PTK2: variants seen among roughly 807,000 people sequenced by gnomAD.
PTK2 encodes protein tyrosine kinase 2.
A neutral mutation model predicts 150.1 loss-of-function variants in PTK2; 45 were observed. The ratio of observed to expected loss-of-function variants is 0.30; its 90% confidence interval spans 0.24 to 0.38. The LOEUF (loss-of-function observed/expected upper bound fraction) is 0.38. Among genes scored for constraint, PTK2 ranks in the 10% least tolerant of loss-of-function variants. The pLI, the probability that PTK2 is intolerant of heterozygous loss-of-function variation, is 1.00. For synonymous variants in PTK2, 432 were observed against 449.2 expected (o/e 0.96, Z 0.48); for missense variants, 919 against 1,307.3 (o/e 0.70, Z 4.58).
chr8:140,751,917 G>A, intron 17 of PTK2: 1 of 541,954 alleles, frequency 1.8e-6, no homozygotes, highest in South Asian at 1.4e-5. Context: ...GCATTCCTGG[G>A]GTCTGGGCAG....
At chr8:140,817,000 T>C (rs777866631) in intron 10 of PTK2, among the ~76,000 whole-genome samples, 2 of 152,202 alleles carry the variant, frequency 1.3e-5, no homozygotes, top group Non-Finnish European at 2.9e-5. Flanking sequence ...TAAAGGAGTA[T>C]TTATTATGTC....
intron 27 of PTK2, among the ~76,000 whole-genome samples, chr8:140,678,042 G>A (rs919779519): frequency 5.9e-5 from 9 of 152,108 alleles, no homozygotes; most frequent in African/African-American, 1.9e-4. Context: ...ACGTTTTTTG[G>A]TATTGGTTGA....
At chr8:140,706,272 C>T (rs920443135) in intron 23 of PTK2, 67 bp from the exon 27 acceptor site, 11 of 1,211,708 alleles carry the variant, frequency 9.1e-6, no homozygotes, top group Admixed American at 1.8e-5. Context: ...CTTTATGAAT[C>T]GAAAAAGACA....
chr8:140,758,033 CTTTG>C (rs142906511), intron 16 of PTK2, among the ~76,000 whole-genome samples: 1,619 of 152,136 alleles, frequency 0.011, 18 homozygotes, highest in Middle Eastern at 0.017. Flanking sequence ...ATTTACTATA[CTTTG>C]TTTTTCTTTT....
intron 19 of PTK2, 85 bp downstream of exon 22, chr8:140,744,567 G>A: frequency 1.3e-6 from 1 of 751,988 alleles, no homozygotes; most frequent in Non-Finnish European, 2.1e-6. Flanking sequence ...GATCCAAAAG[G>A]GTCCAAAGAC....
intron 1 of PTK2, among the ~76,000 whole-genome samples, chr8:140,979,616 T>C (rs2100190633): frequency 6.6e-6 from 1 of 152,170 alleles, no homozygotes; most frequent in Non-Finnish European, 1.5e-5. Flanking sequence ...TGATACAGTT[T>C]GGCTGTGTCC....
In PTK2 at chr8:140,767,815, C is replaced by CT. The variant is rs556636468; in HGVS notation, c.1178-3526dup. On this transcript the variant is annotated intron_variant, in intron 14 of 31. Coordinates refer to ENST00000522684, the Ensembl canonical transcript of PTK2. ...ATTGATTTGGCTGTATTTTGCTTTT[C>CT]TTTCCTGGTTTTTAGGATTGTTAAG... is the stretch of plus-strand genomic sequence containing the variant. 1.2e-3 allele frequency among the ~76,000 whole-genome samples: 178 copies of CT among 152,224 alleles called. 2 individuals carry two copies. The highest frequency in any genetic ancestry group is 4.1e-3 in the African/African-American group (170 of 41,562).
At position 140,701,025 on chromosome 8, in the gene PTK2, GGAA is replaced by G; in HGVS notation, c.2368-6_2368-4del. 6.2e-7 allele frequency: 1 copy of G among 1,612,940 alleles called. No homozygotes were observed. Among genetic ancestry groups the G allele is most frequent in the South Asian group, 1.1e-5 (1 of 90,832 alleles). On this transcript the variant is annotated splice_polypyrimidine_tract_variant and splice_region_variant and intron_variant, in intron 25 of 31. Transcript: ENST00000522684. ...CGCAGGTCCAATACTGTAGAGTCCT[GGAA>G]GAAGGGTTGAAAACAGCATATTCAG...
intron 27 of PTK2, 168 bp from the exon 31 acceptor site, chr8:140,675,667 G>A (rs2100013199): frequency 1.7e-6 from 1 of 585,730 alleles, no homozygotes; most frequent in South Asian, 2.1e-5. Context: ...TGGGGGATCA[G>A]GCAAATAAGC....
intron 8 of PTK2, chr8:140,822,365 C>CACACACACAA (rs2100109214): frequency 6.7e-6 from 1 of 148,958 alleles, no homozygotes; most frequent in Non-Finnish European, 1.5e-5. Flanking sequence ...CACACACACA[C>CACACACACAA]ACACACAAAC....
intron 1 of PTK2, among the ~76,000 whole-genome samples, chr8:140,947,453 C>T (rs572837773): frequency 6.6e-6 from 1 of 152,284 alleles, no homozygotes; most frequent in East Asian, 1.9e-4. Context: ...GCTCATCTAA[C>T]TCTAAAACTA....
intron 14 of PTK2, among the ~76,000 whole-genome samples, chr8:140,772,607 T>C (rs981314564): frequency 5.9e-5 from 9 of 152,246 alleles, no homozygotes; most frequent in Non-Finnish European, 1.3e-4. Flanking sequence ...AATTATACTC[T>C]GATCACATAA....
At chr8:140,776,835 C>T (rs1015959612) in intron 14 of PTK2, among the ~76,000 whole-genome samples, 10 of 152,114 alleles carry the variant, frequency 6.6e-5, no homozygotes, top group Non-Finnish European at 1.2e-4. Flanking sequence ...AATGAGATCC[C>T]CAAGGGTGTG....
chr8:140,826,958 A>C (rs1053213734), intron 8 of PTK2, among the ~76,000 whole-genome samples: 12 of 151,752 alleles, frequency 7.9e-5, no homozygotes, highest in African/African-American at 2.9e-4. Context: ...CCCTCTAGTC[A>C]TCCTTCCCTC....
intron 8 of PTK2, among the ~76,000 whole-genome samples, chr8:140,826,909 C>A (rs2100112101): frequency 6.6e-6 from 1 of 152,008 alleles, no homozygotes; most frequent in Non-Finnish European, 1.5e-5. Context: ...CGGAGTGAGA[C>A]CCTGTCTCTA....
At chr8:140,891,778 G>A (rs1479148259) in intron 2 of PTK2, among the ~76,000 whole-genome samples, 1 of 152,210 alleles carries the variant, frequency 6.6e-6, no homozygotes, top group Non-Finnish European at 1.5e-5. Context: ...AACAGTGAAA[G>A]GGTTTAGGAA....
chr8:140,801,886 AG>A (rs1190579296), intron 11 of PTK2, among the ~76,000 whole-genome samples: 1 of 152,100 alleles, frequency 6.6e-6, no homozygotes, highest in African/African-American at 2.4e-5. Flanking sequence ...TCCTATTGCT[AG>A]GTATGCCGTA....
At chr8:140,710,136 GA>G (rs1211327988) in intron 23 of PTK2, among the ~76,000 whole-genome samples, 1 of 151,676 alleles carries the variant, frequency 6.6e-6, no homozygotes, top group East Asian at 1.9e-4. Flanking sequence ...GCAACACGGT[GA>G]AAAAAATATG....
At chr8:140,686,956 C>G (rs2100020290) in intron 26 of PTK2, 1 of 448,080 alleles carries the variant, frequency 2.2e-6, no homozygotes, top group Admixed American at 3.9e-5. Flanking sequence ...TGCACTTTAC[C>G]TCTATTCCAA....
Sources: gnomAD v4.1 joint callset for allele counts (sites outside exome capture counted in the v4.1 genomes callset) on GRCh38, gnomAD v4.1.1 for gene constraint, MANE v1.5 for transcripts, NCBI Gene and HGNC (gene_info 2026-07-23, HGNC 2026-07-21) for gene names.